Variants in IL17D observed in about 807,000 individuals in gnomAD.
The protein encoded by IL17D is interleukin-17D.
A neutral mutation model predicts 5.7 loss-of-function variants in IL17D; 10 were observed. The observed-to-expected ratio is 1.75, with a 90% CI of 1.08 to 2.97. The LOEUF is 2.97. Ranked by LOEUF, IL17D falls within the 30% of genes most tolerant of loss-of-function variation. IL17D has a pLI of 0.00. For missense variants in IL17D, 354 were observed against 292.7 expected (o/e 1.21, Z -1.53); for synonymous variants, 172 against 141.7 (o/e 1.21, Z -1.52).
intron 1 of IL17D, among the ~76,000 whole-genome samples, chr13:20,711,262 C>G (rs574505757): frequency 7.8e-6 from 1 of 128,816 alleles, no homozygotes; most frequent in Non-Finnish European, 1.6e-5. Flanking sequence ...GAAACTCTGT[C>G]TCAAAAAAAG....
intron 1 of IL17D, among the ~76,000 whole-genome samples, chr13:20,720,874 A>ACCCCCCCCCCCCCCCCCCCCCCC (rs67735251): frequency 6.6e-5 from 5 of 75,746 alleles, no homozygotes; most frequent in Admixed American, 3.1e-4. Flanking sequence ...CTCCCTCCCA[A>ACCCCCCCCCCCCCCCCCCCCCCC]CCCCCCCCCC....
chr13:20,704,322 G>T (rs1489625096), intron 1 of IL17D, 31 bp downstream of exon 1: 2 of 1,173,314 alleles, frequency 1.7e-6, no homozygotes, highest in South Asian at 3.7e-5. Flanking sequence ...GGCGGGGCCC[G>T]GCAGGTGGGG....
At chr13:20,703,488 C>G, upstream of IL17D, 1 of 936,554 alleles carries the variant, frequency 1.1e-6, no homozygotes, top group Non-Finnish European at 1.3e-6. Context: ...AAAAGCGGGC[C>G]GCGGACCCTG....
chr13:20,710,639 A>AG (rs2058628825), intron 1 of IL17D, among the ~76,000 whole-genome samples: 1 of 149,510 alleles, frequency 6.7e-6, no homozygotes, highest in South Asian at 2.1e-4. Context: ...AAAAAAAAAA[A>AG]AAAAAAAAAA....
chr13:20,711,272 G>GA (rs937843691), intron 1 of IL17D, among the ~76,000 whole-genome samples: 9 of 66,166 alleles, frequency 1.4e-4, no homozygotes, highest in Non-Finnish European at 1.1e-4. Flanking sequence ...CTCAAAAAAA[G>GA]AAAAAAAAAA....
chr13:20,713,102 G>A (rs1296434761), intron 1 of IL17D: 1 of 152,026 alleles, frequency 6.6e-6, no homozygotes, highest in Non-Finnish European at 1.5e-5. Flanking sequence ...CCTTCACGGA[G>A]TCTCTGCACA....
intron 1 of IL17D, among the ~76,000 whole-genome samples, chr13:20,712,151 C>A (rs1210768213): frequency 6.6e-6 from 1 of 152,266 alleles, no homozygotes; most frequent in Non-Finnish European, 1.5e-5. Flanking sequence ...CCCTGACACT[C>A]CTCCTGCAGT....
At chr13:20,721,377 T>A (rs2058732765) in intron 1 of IL17D, among the ~76,000 whole-genome samples, 1 of 152,200 alleles carries the variant, frequency 6.6e-6, no homozygotes, top group Non-Finnish European at 1.5e-5. Context: ...CGGCATAGAT[T>A]TTATTTTTCT....
intron 1 of IL17D, chr13:20,717,016 C>T (rs573708546): frequency 6.6e-6 from 1 of 152,348 alleles, no homozygotes; most frequent in East Asian, 1.9e-4. Context: ...TCCGGAGCCG[C>T]TTCAAATTGT....
intron 1 of IL17D, among the ~76,000 whole-genome samples, chr13:20,711,368 G>C (rs1039709873): frequency 6.6e-6 from 1 of 152,154 alleles, no homozygotes; most frequent in Non-Finnish European, 1.5e-5. Flanking sequence ...TCCCACGCTG[G>C]AAGGTGGAAG....
At chr13:20,715,842 C>A (rs1440775615) in intron 1 of IL17D, among the ~76,000 whole-genome samples, 1 of 152,126 alleles carries the variant, frequency 6.6e-6, no homozygotes, top group Non-Finnish European at 1.5e-5. Context: ...CTCCCAGGCT[C>A]AAGGGATCCT....
At chr13:20,721,558 G>C in intron 1 of IL17D, 78 bp from the exon 2 acceptor site, 1 of 1,285,112 alleles carries the variant, frequency 7.8e-7, no homozygotes, top group East Asian at 2.5e-5. Flanking sequence ...GCCCTCCCCG[G>C]TGACTCTAAC....
In IL17D at chr13:20,708,127, G is replaced by A. The variant is rs534729424; in HGVS notation, c.290+3836G>A. Among the ~76,000 whole-genome samples the A allele has an allele frequency of 3.9e-5, 6 of 152,246 alleles. No homozygotes were observed. The East Asian group carries it at 9.7e-4, about 25-fold the overall frequency. On this transcript the variant is annotated intron_variant, in intron 1 of 1. Transcript: ENST00000682841. ...AGGGTTTCGCCATGTTGGCCAGGCTGGTCTCGAACTCCTGGCCTCAAGTGA... is the reference window on the plus strand; with the variant it reads ...AGGGTTTCGCCATGTTGGCCAGGCTAGTCTCGAACTCCTGGCCTCAAGTGA...
Position 20,722,311 on chromosome 13 carries a change from C to A in IL17D, c.*357C>A. On this transcript the variant is annotated 3_prime_UTR_variant, in exon 2 of 2. Coordinates refer to ENST00000682841, the MANE Select transcript of IL17D (RefSeq NM_001385224.1). ...GGCGTGACTCACCGCTGGGTGCTTG[C>A]CAAAGAGATAGGGACGCATATGCTT... The A allele has an allele frequency of 3.6e-6, 1 of 279,196 alleles. No homozygotes were observed. Among genetic ancestry groups the A allele is most frequent in the Non-Finnish European group, 6.6e-6 (1 of 151,302 alleles). The allele number at this position is 279,196 out of a possible 1,614,324, so 17.3% of individuals were successfully genotyped here. A position where few individuals can be genotyped will look rare whatever the true frequency, so the allele number is the denominator to read the frequency against.
At chr13:20,709,003 G>T (rs2058613757) in intron 1 of IL17D, among the ~76,000 whole-genome samples, 1 of 150,192 alleles carries the variant, frequency 6.7e-6, no homozygotes, top group Non-Finnish European at 1.5e-5. Flanking sequence ...AAAAGGACCA[G>T]TGACATCATG....
Position 20,716,120 on chromosome 13 carries a change from C to T in IL17D, c.291-5516C>T, listed in dbSNP as rs1384189870. 19 of 984,746 alleles carry T rather than the reference C, an allele frequency of 1.9e-5. No individual in the cohort carries two copies. Among genetic ancestry groups the T allele is most frequent in the Non-Finnish European group, 2.3e-5 (19 of 829,434 alleles). 61.0% of individuals were successfully genotyped at this position (984,746 alleles called of 1,614,324 possible). On this transcript the variant is annotated intron_variant, in intron 1 of 1. Coordinates refer to ENST00000682841, the MANE Select transcript of IL17D (RefSeq NM_001385224.1). This position sits in a 1 kb window ranked among gnomAD's most constrained non-coding sequence, Gnocchi z 4.2. ...ATTTTGGAAATCTTGTTTATGCCGCCTTCTTATCTCTTGCAAAGGTTAGTG... is the reference window on the plus strand; with the variant it reads ...ATTTTGGAAATCTTGTTTATGCCGCTTTCTTATCTCTTGCAAAGGTTAGTG...
intron 1 of IL17D, among the ~76,000 whole-genome samples, chr13:20,717,622 C>T (rs1207646697): frequency 6.6e-6 from 1 of 152,182 alleles, no homozygotes; most frequent in African/African-American, 2.4e-5. Context: ...AGGCCTCAAG[C>T]CCCCGCGCCC....
chr13:20,714,508 G>A (rs548100820), intron 1 of IL17D, among the ~76,000 whole-genome samples: 2 of 152,370 alleles, frequency 1.3e-5, no homozygotes, highest in East Asian at 3.9e-4. Flanking sequence ...CGAGTGAGAG[G>A]AGAGGGTGGG....
At chr13:20,706,585 T>C (rs957127381) in intron 1 of IL17D, among the ~76,000 whole-genome samples, 1 of 152,192 alleles carries the variant, frequency 6.6e-6, no homozygotes, top group African/African-American at 2.4e-5. Context: ...TGGGAGGAAA[T>C]AATGAATTTA....
Sources: allele counts gnomAD v4.1 joint callset (sites outside exome capture counted in the v4.1 genomes callset), GRCh38; gene constraint gnomAD v4.1.1; non-coding constraint Gnocchi (gnomAD v3.1); transcripts MANE v1.5; gene names NCBI Gene and HGNC (gene_info 2026-07-23, HGNC 2026-07-21).